Variants in ELP3 observed in about 807,000 individuals in gnomAD.
The protein encoded by ELP3 is elongator acetyltransferase complex subunit 3, also known as elongator complex protein 3.
A neutral mutation model predicts 74.9 loss-of-function variants in ELP3; 56 were observed. That is an observed-to-expected ratio of 0.75 (90% CI 0.60 to 0.93). ELP3 has a LOEUF of 0.93. ELP3 is among the 40% of genes least tolerant of loss of function. The pLI is 0.00. For missense variants in ELP3, 573 were observed against 686.5 expected, an observed-to-expected ratio of 0.83 and a Z score of 1.85; for synonymous variants, 222 against 239.8, an observed-to-expected ratio of 0.93 and a Z score of 0.68.
intron 4 of ELP3, 87 bp from the exon 5 acceptor site, chr8:28,107,826 G>T: frequency 2.0e-6 from 2 of 979,360 alleles, no homozygotes; most frequent in Non-Finnish European, 3.2e-6. Context: ...TTGTTATCAG[G>T]ATTCTTTGGA....
chr8:28,137,700 G>GT lies in ELP3; in HGVS notation c.915dup (p.Glu306Ter), dbSNP rs767727021. 6.2e-7 allele frequency: 1 copy of GT among 1,612,662 alleles called. No homozygotes were observed. The highest frequency in any genetic ancestry group is 8.5e-7 in the Non-Finnish European group (1 of 1,179,684). On this transcript the variant is annotated frameshift_variant, in exon 10 of 15. Transcript: ENST00000256398. LOFTEE classifies it high-confidence loss of function. ...CATTTTCTGTTCTCTATTCACAGGA[G>GT]TTTTTTGAGAACCCTGCTTTTCGTC...
chr8:28,117,411 G>C (rs909724272), intron 7 of ELP3, among the ~76,000 whole-genome samples: 1 of 152,174 alleles, frequency 6.6e-6, no homozygotes, highest in African/African-American at 2.4e-5. Flanking sequence ...AGCGAGCTCA[G>C]TGCAGATCAT....
intron 7 of ELP3, among the ~76,000 whole-genome samples, chr8:28,118,038 C>A (rs186895857): frequency 6.6e-6 from 1 of 152,334 alleles, no homozygotes; most frequent in African/African-American, 2.4e-5. Flanking sequence ...GGTTGGTTTG[C>A]ACAGCGTAGC....
upstream of ELP3, among the ~76,000 whole-genome samples, chr8:28,090,945 C>G (rs1179276254): frequency 8.9e-5 from 12 of 135,114 alleles, no homozygotes; most frequent in Middle Eastern, 0.01. Context: ...CTCACTGTGT[C>G]GCCCAGGCTG....
At chr8:28,139,719 C>T (rs774003380) in intron 10 of ELP3, among the ~76,000 whole-genome samples, 16 of 151,956 alleles carry the variant, frequency 1.1e-4, no homozygotes, top group Non-Finnish European at 1.9e-4. Context: ...CCGAAGTGGG[C>T]GGATTACCTG....
rs146779290 is a variant in ELP3 at position 28,097,289 on chromosome 8, C to T, written c.90C>T (p.His30=). ...GDVIKQLIEA[H]EQGKDIDLNK... ...TTATTAAACAACTGATTGAAGCCCA[C>T]GAGCAGGGGAAAGACATCGATCTAA... The change falls in exon 2 of 15, where the codon CAC becomes CAT. Residue 30 remains histidine (H), a synonymous_variant. Transcript: ENST00000256398. 4.4e-4 allele frequency: 718 copies of T among 1,613,582 alleles called. 6 individuals are homozygous for T. In the East Asian group the frequency reaches 0.01, roughly 23 times the overall value.
intron 10 of ELP3, among the ~76,000 whole-genome samples, chr8:28,140,140 G>GTGTGTT (rs1813177679): frequency 6.6e-6 from 1 of 151,608 alleles, no homozygotes; most frequent in African/African-American, 2.4e-5. Flanking sequence ...GTGTGTGTGT[G>GTGTGTT]TGTGTGTGTG....
At chr8:28,123,351 C>A (rs1309448426) in intron 7 of ELP3, among the ~76,000 whole-genome samples, 1 of 151,964 alleles carries the variant, frequency 6.6e-6, no homozygotes, top group Non-Finnish European at 1.5e-5. Context: ...TTATTAATTT[C>A]TAATTTATTT....
At position 28,187,531 on chromosome 8, in the gene ELP3, A is replaced by T. The variant is rs35969652; in HGVS notation, c.1568-2118A>T. Among the ~76,000 whole-genome samples the T allele has an allele frequency of 6.0e-3, 921 of 152,290 alleles. 8 individuals are homozygous for T. Among genetic ancestry groups the T allele is most frequent in the Non-Finnish European group, 0.011 (737 of 68,016 alleles). On this transcript the variant is annotated intron_variant, in intron 14 of 14. Coordinates refer to ENST00000256398, the MANE Select transcript of ELP3 (RefSeq NM_018091.6). ...CCAGATTCCTTAGGAGACCTGCATG[A>T]TGGTGCCTCCTTGTTCCTTGAGTAA...
chr8:28,150,734 T>C (rs1414276406), intron 10 of ELP3, among the ~76,000 whole-genome samples: 1 of 152,194 alleles, frequency 6.6e-6, no homozygotes, highest in Non-Finnish European at 1.5e-5. Flanking sequence ...TCTCTGAGCT[T>C]CCTGGATCTG....
At chr8:28,108,727 GATT>G (rs1811799291) in intron 5 of ELP3, among the ~76,000 whole-genome samples, 1 of 152,170 alleles carries the variant, frequency 6.6e-6, no homozygotes, top group Non-Finnish European at 1.5e-5. Context: ...AAAATGTTGG[GATT>G]ACAGGCGTTA....
chr8:28,093,208 C>A lies in ELP3; in HGVS notation c.-7C>A. ...ATCTCTGGTGGCTCTGCTACGGCGG[C>A]GCAGAAATGAGGCAGAAGCGGAAAG... On this transcript the variant is annotated 5_prime_UTR_variant, in exon 1 of 15. Coordinates refer to ENST00000256398, the MANE Select transcript of ELP3 (RefSeq NM_018091.6). 6.2e-7 allele frequency: 1 copy of A among 1,612,738 alleles called. No homozygotes were observed. The highest frequency in any genetic ancestry group is 1.1e-5 in the South Asian group (1 of 90,562).
Position 28,099,983 on chromosome 8 carries a change from A to G in ELP3, c.258+17A>G, listed in dbSNP as rs937363988. The G allele has an allele frequency of 6.2e-7, 1 of 1,614,028 alleles. No individual in the cohort carries two copies. The highest frequency in any genetic ancestry group is 1.7e-5 in the Admixed American group (1 of 60,014). On this transcript the variant is annotated intron_variant, in intron 3 of 14. Transcript: ENST00000256398. ...GCTAGTGGGGTGAGTGATTCGACTC[A>G]TGAGGTATCGACACACTGGGTATCT... is the stretch of plus-strand genomic sequence containing the variant.
intron 9 of ELP3, among the ~76,000 whole-genome samples, chr8:28,137,162 T>A (rs1813021629): frequency 6.6e-6 from 1 of 152,190 alleles, no homozygotes; most frequent in Non-Finnish European, 1.5e-5. Context: ...ACTTTTGAAA[T>A]GTAAGCAATT....
intron 14 of ELP3, among the ~76,000 whole-genome samples, chr8:28,177,685 G>A (rs1376676368): frequency 6.6e-6 from 1 of 152,182 alleles, no homozygotes; most frequent in Admixed American, 6.5e-5. Flanking sequence ...CACATTACTA[G>A]CAGTGAAGGG....
At chr8:28,142,459 T>C (rs1813281467) in intron 10 of ELP3, among the ~76,000 whole-genome samples, 1 of 152,206 alleles carries the variant, frequency 6.6e-6, no homozygotes, top group Non-Finnish European at 1.5e-5. Context: ...GGATGTAGGC[T>C]TAAGATTTCG....
chr8:28,156,121 C>G, intron 11 of ELP3, 89 bp downstream of exon 11: 1 of 1,053,382 alleles, frequency 9.5e-7, no homozygotes, highest in Non-Finnish European at 1.4e-6. Flanking sequence ...ACCCCTAAAA[C>G]CAGACTTGCG....
chr8:28,109,146 T>G (rs991085290), intron 5 of ELP3, among the ~76,000 whole-genome samples: 1 of 152,110 alleles, frequency 6.6e-6, no homozygotes, highest in African/African-American at 2.4e-5. Context: ...TATTAGGATT[T>G]AAGGCAGGGG....
intron 14 of ELP3, among the ~76,000 whole-genome samples, chr8:28,187,639 C>G (rs891023025): frequency 6.6e-6 from 1 of 152,206 alleles, no homozygotes; most frequent in African/African-American, 2.4e-5. Context: ...AGCCTCAGGC[C>G]TTTCTCTTTC....
Sources: allele counts gnomAD v4.1 joint callset (sites outside exome capture counted in the v4.1 genomes callset), GRCh38; gene constraint gnomAD v4.1.1; transcripts MANE v1.5; gene names NCBI Gene and HGNC (gene_info 2026-07-23, HGNC 2026-07-21).